The following OGFOD1 variants were observed in gnomAD, a reference collection of about 807,000 sequenced individuals.
OGFOD1 encodes 2-oxoglutarate and iron dependent oxygenase domain containing 1.
OGFOD1 carries 54 observed loss-of-function variants against 67.7 expected under a neutral mutation model. The observed-to-expected ratio is 0.80, with a 90% CI of 0.64 to 1.00. The LOEUF (loss-of-function observed/expected upper bound fraction) is 1.00, where lower values mean the gene tolerates loss of function less well. OGFOD1 is among the 50% of genes least tolerant of loss of function. The probability of loss-of-function intolerance (pLI) is 0.00; values close to 1 mark genes in which losing one functional copy is unlikely to be tolerated. For missense variants in OGFOD1, 606 were observed against 646.7 expected (o/e 0.94, Z 0.68); for synonymous variants, 221 against 227.0 (o/e 0.97, Z 0.24).
rs1303708383 is a variant in OGFOD1, at chr16:56,453,925, TGATAGA to T, written c.300+523_300+528del. Among the ~76,000 whole-genome samples the T allele has an allele frequency of 3.9e-5, 6 of 152,242 alleles. No homozygotes were observed. The South Asian group carries it at 8.3e-4, about 21-fold the overall frequency. On this transcript the variant is annotated intron_variant, in intron 2 of 12. Coordinates refer to ENST00000566157, the MANE Select transcript of OGFOD1 (RefSeq NM_018233.4). ...GTAATAATAAGGGTGAATGTGACGG[TGATAGA>T]GATAGTGAAGAAACAAATTAAGCCG...
At chr16:56,471,310 C>T (rs1162090295) in intron 10 of OGFOD1, among the ~76,000 whole-genome samples, 3 of 149,736 alleles carry the variant, frequency 2.0e-5, no homozygotes, top group South Asian at 2.1e-4. Flanking sequence ...TGCAGTGAGT[C>T]GAGATTGCAC....
chr16:56,475,465 C>A, intron 11 of OGFOD1, 42 bp from the exon 12 acceptor site: 1 of 1,587,530 alleles, frequency 6.3e-7, no homozygotes, highest in Non-Finnish European at 8.7e-7. Flanking sequence ...GCGACTCTTT[C>A]AATAGGAGCT....
At chr16:56,454,363 T>A (rs578258592) in intron 2 of OGFOD1, among the ~76,000 whole-genome samples, 37 of 151,720 alleles carry the variant, frequency 2.4e-4, no homozygotes, top group African/African-American at 8.7e-4. Flanking sequence ...TAAAATAGAG[T>A]TTTGAGTTCA....
chr16:56,475,994 T>G (rs765768904), intron 12 of OGFOD1, 50 bp from the exon 13 acceptor site: 4 of 1,513,744 alleles, frequency 2.6e-6, no homozygotes, highest in Non-Finnish European at 3.6e-6. Context: ...CATCCAAGAT[T>G]TGAGAATAAG....
At chr16:56,457,410 A>G (rs1458821790) in intron 2 of OGFOD1, among the ~76,000 whole-genome samples, 1 of 152,252 alleles carries the variant, frequency 6.6e-6, no homozygotes, top group African/African-American at 2.4e-5. Flanking sequence ...GGGAATGACT[A>G]ACAAAATTGG....
intron 8 of OGFOD1, among the ~76,000 whole-genome samples, 191 bp from the exon 9 acceptor site, chr16:56,469,812 T>G (rs1963066605): frequency 7.1e-6 from 1 of 140,732 alleles, no homozygotes; most frequent in African/African-American, 2.7e-5. Flanking sequence ...ATCACGCCAT[T>G]GTACTCCAGC....
At position 56,458,612 on chromosome 16, in the gene OGFOD1, T is replaced by C; in HGVS notation, c.347+18T>C. ...ACTTTAAGGTAAACAAGTAATCATATTTGTTGGGTGCTAATATGTGCCAGG... is the reference window on the plus strand; with the variant it reads ...ACTTTAAGGTAAACAAGTAATCATACTTGTTGGGTGCTAATATGTGCCAGG... On this transcript the variant is annotated intron_variant, in intron 3 of 12. Coordinates refer to ENST00000566157, the MANE Select transcript of OGFOD1 (RefSeq NM_018233.4). The C allele has an allele frequency of 6.3e-7, 1 of 1,599,374 alleles. No individual in the cohort carries two copies. Among genetic ancestry groups the C allele is most frequent in the Non-Finnish European group, 8.6e-7 (1 of 1,166,566 alleles).
At chr16:56,471,953 CTGTTTGTT>C (rs35730390) in intron 10 of OGFOD1, among the ~76,000 whole-genome samples, 3 of 151,500 alleles carry the variant, frequency 2.0e-5, no homozygotes, top group East Asian at 2.0e-4. Context: ...TTATCCACTT[CTGTTTGTT>C]TGTTTGTTTG....
At chr16:56,473,034 G>A (rs950117541) in intron 10 of OGFOD1, among the ~76,000 whole-genome samples, 2 of 152,150 alleles carry the variant, frequency 1.3e-5, no homozygotes, top group Non-Finnish European at 2.9e-5. Context: ...GGGTTCAAGC[G>A]ATTCTCCTGC....
chr16:56,467,368 G>T (rs1014621751), intron 7 of OGFOD1, 75 bp downstream of exon 7: 49 of 1,511,042 alleles, frequency 3.2e-5, no homozygotes, highest in Non-Finnish European at 4.0e-5. Flanking sequence ...AAAATTAGCT[G>T]TTCCATTTAA....
At chr16:56,465,881 G>GA (rs1483164078) in intron 4 of OGFOD1, 1 of 301,430 alleles carries the variant, frequency 3.3e-6, no homozygotes, top group African/African-American at 2.2e-5. Context: ...ATATATGTAG[G>GA]AAAAATACTG....
chr16:56,472,203 C>CA (rs1963228344), intron 10 of OGFOD1, among the ~76,000 whole-genome samples: 1 of 151,906 alleles, frequency 6.6e-6, no homozygotes, highest in African/African-American at 2.4e-5. Context: ...CCCCTAGGCT[C>CA]AAGTAATCCT....
chr16:56,453,644 A>G (rs1227901054), intron 2 of OGFOD1: 6 of 333,868 alleles, frequency 1.8e-5, no homozygotes, highest in Non-Finnish European at 3.3e-5. Context: ...TTTAAAATCT[A>G]GTGTTCAAAG....
At chr16:56,454,642 A>T (rs1282466563) in intron 2 of OGFOD1, 3 of 327,550 alleles carry the variant, frequency 9.2e-6, no homozygotes, top group Non-Finnish European at 1.8e-5. Flanking sequence ...CTGTGCTTCA[A>T]ATTGGGGGGG....
At chr16:56,460,514 C>T (rs1555516770) in intron 3 of OGFOD1, among the ~76,000 whole-genome samples, 1 of 152,224 alleles carries the variant, frequency 6.6e-6, no homozygotes, top group Non-Finnish European at 1.5e-5. Flanking sequence ...CCTGGTTCAG[C>T]AGTTTGCTAT....
intron 10 of OGFOD1, among the ~76,000 whole-genome samples, chr16:56,472,118 C>T (rs1437230806): frequency 1.3e-5 from 2 of 152,040 alleles, no homozygotes; most frequent in Non-Finnish European, 2.9e-5. Flanking sequence ...TATGCCACCA[C>T]ACCCAACTAA....
At position 56,470,641 on chromosome 16, in the gene OGFOD1, A is replaced by G. The variant is rs548980919; in HGVS notation, c.1135A>G (p.Lys379Glu). 6.2e-7 allele frequency: 1 copy of G among 1,614,044 alleles called. No homozygotes were observed. The highest frequency in any genetic ancestry group is 8.5e-7 in the Non-Finnish European group (1 of 1,180,018). ...TTCGGAAGAAGATGAGATGAATGAT[A>G]AAAAAGAGGCAGAAACCACTGATAT... is the stretch of plus-strand genomic sequence containing the variant. ...APSEEDEMND[K>E]KEAETTDITE... Residue 379 changes from lysine to glutamate, a missense_variant, in exon 10 of 13, where the codon AAA becomes GAA. Lys to Glu is a moderately conservative substitution (Grantham distance 56). Transcript: ENST00000566157.
At chr16:56,466,703 G>A in intron 5 of OGFOD1, 173 bp from the exon 6 acceptor site, 2 of 645,816 alleles carry the variant, frequency 3.1e-6, no homozygotes, top group East Asian at 5.1e-5. Flanking sequence ...AGTAAGAACA[G>A]ATGCCACGTA....
At chr16:56,471,897 G>GAGTC (rs1232099688) in intron 10 of OGFOD1, among the ~76,000 whole-genome samples, 1 of 152,214 alleles carries the variant, frequency 6.6e-6, no homozygotes, top group Non-Finnish European at 1.5e-5. Context: ...AGAGGAACCA[G>GAGTC]AGTCAGTATC....
Sources: allele counts gnomAD v4.1 joint callset (sites outside exome capture counted in the v4.1 genomes callset), GRCh38; gene constraint gnomAD v4.1.1; transcripts MANE v1.5; gene names NCBI Gene and HGNC (gene_info 2026-07-23, HGNC 2026-07-21).